PSMD11: variants seen among roughly 807,000 people sequenced by gnomAD.
The protein encoded by PSMD11 is proteasome 26S subunit, non-ATPase 11.
Under a neutral mutation model 62.3 loss-of-function variants are expected in PSMD11, and 5 were observed. The observed-to-expected ratio is 0.08, with a 90% CI of 0.04 to 0.17. The LOEUF is 0.17. PSMD11 is among the 10% of genes least tolerant of loss of function. PSMD11 has a pLI of 1.00. For missense variants in PSMD11, 310 were observed against 512.9 expected (o/e 0.60, Z 3.82); for synonymous variants, 191 against 191.8 (o/e 1.00, Z 0.03).
chr17:32,459,085 G>C (rs1907734787), intron 3 of PSMD11, among the ~76,000 whole-genome samples: 1 of 134,986 alleles, frequency 7.4e-6, no homozygotes, highest in Non-Finnish European at 1.5e-5. Context: ...AGAGTAAGAA[G>C]AGTGAGAGTG....
intron 3 of PSMD11, among the ~76,000 whole-genome samples, chr17:32,457,299 A>G (rs1431344903): frequency 6.6e-6 from 1 of 151,564 alleles, no homozygotes; most frequent in African/African-American, 2.4e-5. Context: ...GTGCAGTGAC[A>G]CAATCTTGGC....
chr17:32,446,240 A>C (rs577829595), intron 1 of PSMD11, among the ~76,000 whole-genome samples: 1 of 152,356 alleles, frequency 6.6e-6, no homozygotes, highest in African/African-American at 2.4e-5. Context: ...AGTGATGATC[A>C]CTACAAACTT....
Position 32,477,383 on chromosome 17 carries a change from C to T in PSMD11, c.850-138C>T, listed in dbSNP as rs577787645. On this transcript the variant is annotated intron_variant, in intron 8 of 13. Transcript: ENST00000261712. The stretch of plus-strand genomic sequence containing the variant: ...AGTACTTGCGGCTCTTCTTCCCGGG[C>T]GTCTGAAGAAGAACGATGGTGGGGC... 4.8e-5 allele frequency: 29 copies of T among 600,660 alleles called. No homozygotes were observed. The Admixed American group carries it at 7.1e-4, about 15-fold the overall frequency. 37.2% of individuals were successfully genotyped at this position (600,660 alleles called of 1,614,324 possible). A position where few individuals can be genotyped will look rare whatever the true frequency, so the allele number is the denominator to read the frequency against.
intron 5 of PSMD11, among the ~76,000 whole-genome samples, chr17:32,468,418 G>T (rs1173578870): frequency 2.0e-5 from 3 of 149,328 alleles, no homozygotes; most frequent in African/African-American, 7.3e-5. Flanking sequence ...AAAGCCACAG[G>T]GATTTATTTC....
chr17:32,455,475 A>G (rs1308842974), intron 3 of PSMD11, among the ~76,000 whole-genome samples: 4 of 152,182 alleles, frequency 2.6e-5, no homozygotes, highest in African/African-American at 4.8e-5. Flanking sequence ...CAGAATTGCT[A>G]GTTGGTTATA....
chr17:32,462,558 T>C (rs986893560), intron 3 of PSMD11, among the ~76,000 whole-genome samples: 6 of 152,238 alleles, frequency 3.9e-5, no homozygotes, highest in Non-Finnish European at 8.8e-5. Flanking sequence ...CTCTTCCTGG[T>C]GAATCCTCTG....
intron 1 of PSMD11, chr17:32,445,399 G>GA (rs1432145869): frequency 6.6e-6 from 1 of 152,204 alleles, no homozygotes; most frequent in Non-Finnish European, 1.5e-5. Flanking sequence ...GAATTCTTTG[G>GA]AACGGGTCGG....
Position 32,479,319 on chromosome 17 carries a change from T to C in PSMD11, c.981T>C (p.Tyr327=). ...TCAGCACACACTTGGCCAAGTTGTA[T>C]GATAACTTACTAGAACAGAATCTGA... The part of the protein sequence containing the change: ...PIISTHLAKL[Y]DNLLEQNLIR... The change falls in exon 10 of 14, where the codon TAT becomes TAC. Residue 327 remains tyrosine (Y), a synonymous_variant. Coordinates refer to ENST00000261712, the MANE Select transcript of PSMD11 (RefSeq NM_002815.4). 1 of 1,614,210 alleles carries C rather than the reference T, an allele frequency of 6.2e-7. No homozygotes were observed. Among genetic ancestry groups the C allele is most frequent in the Non-Finnish European group, 8.5e-7 (1 of 1,180,022 alleles).
intron 11 of PSMD11, 125 bp from the exon 12 acceptor site, chr17:32,480,021 G>C (rs1908442686): frequency 6.8e-7 from 1 of 1,470,220 alleles, no homozygotes; most frequent in African/African-American, 1.4e-5. Context: ...ACTAGAGTAG[G>C]AGTTGCATTG....
intron 8 of PSMD11, chr17:32,477,225 C>A: frequency 3.3e-6 from 1 of 301,144 alleles, no homozygotes; most frequent in South Asian, 1.3e-4. Context: ...GTTCTCTTGT[C>A]ATTTTTCCTT....
At chr17:32,474,404 T>C (rs1041017658) in intron 7 of PSMD11, among the ~76,000 whole-genome samples, 1 of 152,204 alleles carries the variant, frequency 6.6e-6, no homozygotes, top group African/African-American at 2.4e-5. Flanking sequence ...ATAAATGAAA[T>C]ATTGACTAAG....
intron 9 of PSMD11, among the ~76,000 whole-genome samples, chr17:32,478,921 G>A (rs1223982484): frequency 6.6e-6 from 1 of 151,714 alleles, no homozygotes; most frequent in Non-Finnish European, 1.5e-5. Flanking sequence ...TTCTCTTAGA[G>A]ACTACCATAA....
At position 32,458,312 on chromosome 17, in the gene PSMD11, A is replaced by G. The variant is rs1321262436; in HGVS notation, c.318+3693A>G. On this transcript the variant is annotated intron_variant, in intron 3 of 13. Transcript: ENST00000261712. ...TTAATGGTTTTCTATAATACAACCT[A>G]CTGCAACCTACTGCAGTAGTCTAAT... is the stretch of plus-strand genomic sequence containing the variant. Among the ~76,000 whole-genome samples, 3 of 152,148 alleles carry G rather than the reference A, an allele frequency of 2.0e-5. No homozygotes were observed. The East Asian group carries it at 5.8e-4, about 29-fold the overall frequency.
rs568901550 is a variant in PSMD11, at chr17:32,474,446, G to A, written c.789-318G>A. On this transcript the variant is annotated intron_variant, in intron 7 of 13. Coordinates refer to ENST00000261712, the MANE Select transcript of PSMD11 (RefSeq NM_002815.4). Reference sequence around the variant, plus strand: ...CTCTGGATCTTTGGATTACATAAGGGCTATGTTTTAATAATACCTGTTACA... The same window carrying A: ...CTCTGGATCTTTGGATTACATAAGGACTATGTTTTAATAATACCTGTTACA... Among the ~76,000 whole-genome samples, 4 of 152,316 alleles carry A rather than the reference G, an allele frequency of 2.6e-5. No individual in the cohort carries two copies. The East Asian group carries it at 7.7e-4, about 29-fold the overall frequency.
chr17:32,466,396 G>A (rs1294995620), intron 5 of PSMD11, among the ~76,000 whole-genome samples: 1 of 152,062 alleles, frequency 6.6e-6, no homozygotes, highest in Non-Finnish European at 1.5e-5. Context: ...TCTGTTCTGG[G>A]TATTTCTTAA....
chr17:32,480,183 A>G lies in PSMD11; in HGVS notation c.1112A>G (p.Asp371Gly). The G allele has an allele frequency of 6.2e-7, 1 of 1,613,850 alleles. No homozygotes were observed. The highest frequency in any genetic ancestry group is 8.5e-7 in the Non-Finnish European group (1 of 1,179,748). The change falls in exon 12 of 14, where the codon GAC becomes GGC. Residue 371 changes from aspartate to glycine, a missense_variant. Coordinates refer to ENST00000261712, the MANE Select transcript of PSMD11 (RefSeq NM_002815.4). ...AGGAAATTATCACAGATGATTCTTG[A>G]CAAGAAATTTCATGGTAAGTAACAG... ...VERKLSQMIL[D>G]KKFHGILDQG...
intron 1 of PSMD11, 199 bp downstream of exon 1, chr17:32,444,813 T>G: frequency 1.7e-6 from 1 of 600,018 alleles, no homozygotes; most frequent in Non-Finnish European, 2.8e-6. Flanking sequence ...CTTGAGGCAA[T>G]CCCCGGGTCC....
chr17:32,479,628 T>G, intron 10 of PSMD11: 1 of 705,752 alleles, frequency 1.4e-6, no homozygotes. Context: ...GCATGTGTTG[T>G]ACCTGTTTTC....
chr17:32,459,074 A>T (rs1386684986), intron 3 of PSMD11, among the ~76,000 whole-genome samples: 3 of 146,958 alleles, frequency 2.0e-5, no homozygotes, highest in Non-Finnish European at 4.5e-5. Context: ...CAGCCCGGGC[A>T]AGAGTAAGAA....
Sources: allele counts gnomAD v4.1 joint callset (sites outside exome capture counted in the v4.1 genomes callset), GRCh38; gene constraint gnomAD v4.1.1; transcripts MANE v1.5; gene names NCBI Gene and HGNC (gene_info 2026-07-23, HGNC 2026-07-21).